The following COLEC12 variants were observed in gnomAD, a reference collection of about 807,000 sequenced individuals.
COLEC12 encodes the protein collectin-12.
In COLEC12, 33 loss-of-function variants were observed where a neutral mutation model predicts 71.1. The observed-to-expected ratio is 0.46, with a 90% CI of 0.35 to 0.62. The LOEUF (loss-of-function observed/expected upper bound fraction) is 0.62, where lower values mean the gene tolerates loss of function less well. Ranked by LOEUF, COLEC12 falls within the 20% of genes least tolerant of loss-of-function variation. COLEC12 has a pLI of 0.00. For missense variants in COLEC12, 765 were observed against 916.1 expected, an observed-to-expected ratio of 0.84 and a Z score of 2.13; for synonymous variants, 350 against 353.0, an observed-to-expected ratio of 0.99 and a Z score of 0.10.
intron 2 of COLEC12, chr18:423,605 G>C (rs760011724): frequency 6.6e-6 from 1 of 152,144 alleles, no homozygotes; most frequent in Non-Finnish European, 1.5e-5. Context: ...CTTTCTAGCA[G>C]AAATTTCAGG....
At chr18:329,207 G>C (rs1913914530) in intron 8 of COLEC12, among the ~76,000 whole-genome samples, 1 of 152,136 alleles carries the variant, frequency 6.6e-6, no homozygotes, top group Non-Finnish European at 1.5e-5. Context: ...TTTCACATTG[G>C]GAGAGCTGGC....
intron 3 of COLEC12, among the ~76,000 whole-genome samples, chr18:350,638 A>G (rs916223364): frequency 6.6e-6 from 1 of 151,998 alleles, no homozygotes; most frequent in Non-Finnish European, 1.5e-5. Flanking sequence ...TTAAAAAAAA[A>G]GACTTCAGAC....
intron 2 of COLEC12, among the ~76,000 whole-genome samples, chr18:390,234 C>T (rs764759103): frequency 2.6e-5 from 4 of 152,160 alleles, no homozygotes; most frequent in Non-Finnish European, 5.9e-5. Context: ...GGAAGGGAGG[C>T]CATCGTGCTG....
chr18:469,879 T>TC (rs1917159316), intron 2 of COLEC12, among the ~76,000 whole-genome samples: 1 of 151,940 alleles, frequency 6.6e-6, no homozygotes, highest in Non-Finnish European at 1.5e-5. Flanking sequence ...TAAAGATTTT[T>TC]TTTTTATAAC....
chr18:395,746 A>G (rs534178220), intron 2 of COLEC12, among the ~76,000 whole-genome samples: 3 of 152,142 alleles, frequency 2.0e-5, no homozygotes, highest in East Asian at 1.9e-4. Context: ...CCATCACCCA[A>G]TGTTTCTTGT....
In COLEC12 at chr18:444,853, T is replaced by C. The variant is rs536321540; in HGVS notation, c.58+35854A>G. Reference sequence around the variant, plus strand: ...ATCATCCCATGGGGTCTCAAACCTATAGTAATTGCAGTTTCGAAGGGTATG... The same window carrying C: ...ATCATCCCATGGGGTCTCAAACCTACAGTAATTGCAGTTTCGAAGGGTATG... On this transcript the variant is annotated intron_variant, in intron 2 of 9. Transcript: ENST00000400256. Among the ~76,000 whole-genome samples, 16 of 152,300 alleles carry C rather than the reference T, an allele frequency of 1.1e-4. No individual in the cohort carries two copies. The South Asian group carries it at 2.7e-3, about 26-fold the overall frequency.
At chr18:443,402 T>C (rs548396418) in intron 2 of COLEC12, among the ~76,000 whole-genome samples, 97 of 152,354 alleles carry the variant, frequency 6.4e-4, no homozygotes, top group African/African-American at 2.0e-3. Flanking sequence ...CTCACTTTCA[T>C]GTCTTTTGGT....
In COLEC12 at chr18:408,806, T is replaced by C. The variant is rs997218326; in HGVS notation, c.59-51284A>G. 1.3e-5 allele frequency among the ~76,000 whole-genome samples: 2 copies of C among 152,142 alleles called. No homozygotes were observed. Among genetic ancestry groups the C allele is most frequent in the Non-Finnish European group, 2.9e-5 (2 of 68,026 alleles). On this transcript the variant is annotated intron_variant, in intron 2 of 9. Transcript: ENST00000400256. This position sits in a 1 kb window ranked among gnomAD's most constrained non-coding sequence, Gnocchi z 4.3. ...TTGAACTGCCTAATTCAGAAATGAT[T>C]GTGTACCATACTTATTTAATTTTTA...
chr18:500,538 G>C lies in COLEC12; in HGVS notation c.-24C>G, dbSNP rs1917803441. The C allele has an allele frequency of 2.5e-6, 3 of 1,224,036 alleles. No individual in the cohort carries two copies. In the South Asian group the frequency reaches 1.2e-4, roughly 48 times the overall value. The allele number at this position is 1,224,036 out of a possible 1,614,324, so 75.8% of individuals were successfully genotyped here. On this transcript the variant is annotated 5_prime_UTR_variant, in exon 1 of 10. Transcript: ENST00000400256. This position sits in a 1 kb window ranked among gnomAD's most constrained non-coding sequence, Gnocchi z 5.3. ...ATGGTGACCGTGGGGACGCACCGCC[G>C]GCCGGGGAGCTCCGCGCGAGCGCCG...
chr18:335,282 T>C, intron 5 of COLEC12, 52 bp from the exon 6 acceptor site: 1 of 1,529,998 alleles, frequency 6.5e-7, no homozygotes. Flanking sequence ...TGAATGATAG[T>C]TATGAATAAT....
At chr18:394,939 A>C (rs1433752701) in intron 2 of COLEC12, among the ~76,000 whole-genome samples, 1 of 152,138 alleles carries the variant, frequency 6.6e-6, no homozygotes, top group East Asian at 1.9e-4. Flanking sequence ...AAAACAAAAC[A>C]AAAAAAACAC....
chr18:333,545 A>T (rs1914033274), intron 6 of COLEC12: 1 of 158,268 alleles, frequency 6.3e-6, no homozygotes, highest in South Asian at 2.0e-4. Flanking sequence ...CAACAAAAAT[A>T]ACCCGGGCCT....
At chr18:422,141 G>A (rs1464921014) in intron 2 of COLEC12, among the ~76,000 whole-genome samples, 1 of 152,206 alleles carries the variant, frequency 6.6e-6, no homozygotes, top group Non-Finnish European at 1.5e-5. Context: ...CTCCTTGCCA[G>A]GTGATTTGTC....
chr18:454,705 T>C (rs1022881587), intron 2 of COLEC12, among the ~76,000 whole-genome samples: 1 of 152,046 alleles, frequency 6.6e-6, no homozygotes, highest in African/African-American at 2.4e-5. Context: ...TAAAACAGAA[T>C]AGCCACTCCT....
At chr18:449,223 T>C (rs1440398449) in intron 2 of COLEC12, among the ~76,000 whole-genome samples, 1 of 152,168 alleles carries the variant, frequency 6.6e-6, no homozygotes, top group Non-Finnish European at 1.5e-5. Context: ...AAGTTACACA[T>C]TTCTACAGAT....
intron 2 of COLEC12, among the ~76,000 whole-genome samples, chr18:358,508 C>A (rs1914675487): frequency 6.6e-6 from 1 of 152,166 alleles, no homozygotes; most frequent in Non-Finnish European, 1.5e-5. Flanking sequence ...CAACCTAGAT[C>A]CCTCACATGC....
chr18:453,954 G>C (rs12964008), intron 2 of COLEC12, among the ~76,000 whole-genome samples: 17,548 of 152,152 alleles, frequency 0.12, 1,369 homozygotes, highest in East Asian at 0.37. Context: ...AGCATCTCCA[G>C]GACCAGTGTT....
chr18:356,680 T>C (rs1914634943), intron 3 of COLEC12, among the ~76,000 whole-genome samples: 1 of 152,226 alleles, frequency 6.6e-6, no homozygotes. Flanking sequence ...CTGGCTGTTT[T>C]CTAGAAAAGG....
chr18:407,219 T>C (rs1006534419), intron 2 of COLEC12, among the ~76,000 whole-genome samples: 3 of 152,210 alleles, frequency 2.0e-5, no homozygotes, highest in Non-Finnish European at 4.4e-5. Flanking sequence ...ATATAAAATA[T>C]GAAAAACCTC....
Sources: gnomAD v4.1 joint callset for allele counts (sites outside exome capture counted in the v4.1 genomes callset) on GRCh38, gnomAD v4.1.1 for gene constraint, Gnocchi (gnomAD v3.1) non-coding constraint, MANE v1.5 for transcripts, NCBI Gene and HGNC (gene_info 2026-07-23, HGNC 2026-07-21) for gene names.